The following MED4 variants were observed in gnomAD, a reference collection of about 807,000 sequenced individuals.
The protein encoded by MED4 is mediator of RNA polymerase II transcription subunit 4.
MED4 carries 21 observed loss-of-function variants against 35.0 expected under a neutral mutation model. The ratio of observed to expected loss-of-function variants is 0.60; its 90% confidence interval spans 0.43 to 0.86. The LOEUF (loss-of-function observed/expected upper bound fraction) is 0.86, where lower values mean the gene tolerates loss of function less well. MED4 is among the 40% of genes least tolerant of loss of function. The pLI is 0.00. For missense variants in MED4, 300 were observed against 319.4 expected, an observed-to-expected ratio of 0.94 and a Z score of 0.46; for synonymous variants, 138 against 114.0, an observed-to-expected ratio of 1.21 and a Z score of -1.34.
At chr13:48,080,112 T>C in intron 5 of MED4, 137 bp from the exon 6 acceptor site, 1 of 952,494 alleles carries the variant, frequency 1.0e-6, no homozygotes, top group Non-Finnish European at 1.5e-6. Context: ...ACAGAAGTCA[T>C]CTGGCCAGGT....
chr13:48,094,854 C>G (rs982316444), intron 1 of MED4, 100 bp downstream of exon 1: 6 of 1,523,976 alleles, frequency 3.9e-6, no homozygotes, highest in Non-Finnish European at 5.3e-6. Context: ...GCTGGCCCTC[C>G]CCGCCGAACC....
intron 1 of MED4, among the ~76,000 whole-genome samples, chr13:48,094,331 G>A (rs1406081298): frequency 6.6e-6 from 1 of 152,166 alleles, no homozygotes; most frequent in African/African-American, 2.4e-5. Context: ...GACTTATCAT[G>A]AAAGGTGACA....
intron 3 of MED4, among the ~76,000 whole-genome samples, chr13:48,085,170 A>ATTTTTT (rs56225303): frequency 1.4e-5 from 2 of 139,366 alleles, no homozygotes; most frequent in African/African-American, 6.0e-5. Flanking sequence ...TGCCCAGCTA[A>ATTTTTT]TTTTTTTTTT....
intron 4 of MED4, among the ~76,000 whole-genome samples, chr13:48,083,005 G>A (rs1198913724): frequency 6.6e-6 from 1 of 152,150 alleles, no homozygotes; most frequent in Non-Finnish European, 1.5e-5. Flanking sequence ...CAGCGCAGTT[G>A]CCCAATGGAT....
At chr13:48,083,509 T>G (rs1200092919) in intron 3 of MED4, 81 bp from the exon 4 acceptor site, 22 of 1,077,440 alleles carry the variant, frequency 2.0e-5, no homozygotes, top group Non-Finnish European at 1.2e-5. Flanking sequence ...CACAAGATCC[T>G]TTAGCCTACA....
At position 48,086,211 on chromosome 13, in the gene MED4, A is replaced by G. The variant is rs372960537; in HGVS notation, c.363+71T>C. On this transcript the variant is annotated intron_variant, in intron 3 of 6. Coordinates refer to ENST00000258648, the MANE Select transcript of MED4 (RefSeq NM_014166.4). ...TAGTTTTCTGCTCTTCAAAATATTG[A>G]TAACAGATTTTTCAGAAACAGATTA... 1.9e-4 allele frequency: 270 copies of G among 1,436,092 alleles called. 1 individual carries two copies. The South Asian group carries it at 2.7e-3, about 14-fold the overall frequency. 89.0% of individuals were successfully genotyped at this position (1,436,092 alleles called of 1,614,324 possible). A position where few individuals can be genotyped will look rare whatever the true frequency, so the allele number is the denominator to read the frequency against.
chr13:48,081,921 T>A (rs1247281522), intron 4 of MED4, among the ~76,000 whole-genome samples, 190 bp from the exon 5 acceptor site: 1 of 152,132 alleles, frequency 6.6e-6, no homozygotes, highest in African/African-American at 2.4e-5. Context: ...AGGACACTAA[T>A]CCAGAAAAAT....
In MED4 at chr13:48,081,676, A is replaced by C; in HGVS notation, c.477T>G (p.Asn159Lys). 6.2e-7 allele frequency: 1 copy of C among 1,612,494 alleles called. No homozygotes were observed. Among genetic ancestry groups the C allele is most frequent in the Non-Finnish European group, 8.5e-7 (1 of 1,179,336 alleles). ...IKYAHRISASNAVCAPLTWVP... is the reference protein window; with the variant it reads ...IKYAHRISASKAVCAPLTWVP... ...CCCAGGTCAGTGGAGCACATACAGC[A>C]TTACTTGCACTGATCCTATGTGCAT... is the stretch of plus-strand genomic sequence containing the variant. The change falls in exon 5 of 7, where the codon AAT (asparagine) becomes AAG (lysine). Residue 159 changes from asparagine (N) to lysine (K), a missense_variant. Physicochemically the swap from Asn to Lys is moderately conservative, Grantham distance 94 (BLOSUM62 0). Coordinates refer to ENST00000258648, the MANE Select transcript of MED4 (RefSeq NM_014166.4).
At chr13:48,092,561 G>A (rs867834686) in intron 1 of MED4, among the ~76,000 whole-genome samples, 2 of 152,216 alleles carry the variant, frequency 1.3e-5, no homozygotes, top group Non-Finnish European at 2.9e-5. Context: ...GGTGGTTTCT[G>A]TAGTGTTCCA....
At chr13:48,082,911 A>G (rs1282389523) in intron 4 of MED4, among the ~76,000 whole-genome samples, 1 of 152,092 alleles carries the variant, frequency 6.6e-6, no homozygotes, top group Non-Finnish European at 1.5e-5. Flanking sequence ...GGGCCTCTGC[A>G]CCACCAAATG....
At chr13:48,079,699 G>T in intron 6 of MED4, 145 bp downstream of exon 6, 1 of 908,782 alleles carries the variant, frequency 1.1e-6, no homozygotes, top group South Asian at 1.7e-5. Context: ...CTCCAGCCTG[G>T]GTGACATAAC....
At chr13:48,079,635 G>C in intron 6 of MED4, 1 of 466,978 alleles carries the variant, frequency 2.1e-6, no homozygotes, top group Non-Finnish European at 3.8e-6. Flanking sequence ...AGCTACTCGG[G>C]AGGCTGAGGC....
intron 1 of MED4, among the ~76,000 whole-genome samples, chr13:48,094,509 G>A (rs557531222): frequency 2.6e-5 from 4 of 152,132 alleles, no homozygotes; most frequent in Admixed American, 6.5e-5. Flanking sequence ...TTCTTCAGAG[G>A]GCCTGCCCTG....
In MED4 at chr13:48,086,472, TA is replaced by T; in HGVS notation, c.193-21del. 6.2e-7 allele frequency: 1 copy of T among 1,608,824 alleles called. No individual in the cohort carries two copies. The highest frequency in any genetic ancestry group is 8.5e-7 in the Non-Finnish European group (1 of 1,176,544). ...CAGGACCTGTCAGATAACAGTCAAT[TA>T]AATCAGACAATAGACTACTGAAAGG... On this transcript the variant is annotated intron_variant, in intron 2 of 6. Coordinates refer to ENST00000258648, the MANE Select transcript of MED4 (RefSeq NM_014166.4).
chr13:48,088,933 C>A (rs771678431), intron 2 of MED4, among the ~76,000 whole-genome samples: 6 of 152,184 alleles, frequency 3.9e-5, no homozygotes, highest in Non-Finnish European at 7.3e-5. Context: ...AGACACAATT[C>A]ACAAATTGCT....
chr13:48,090,290 A>C, intron 2 of MED4, 62 bp downstream of exon 2: 1 of 1,302,744 alleles, frequency 7.7e-7, no homozygotes, highest in Non-Finnish European at 1.1e-6. Flanking sequence ...GCAGAAATCA[A>C]GTTTTTTTCT....
chr13:48,081,468 A>G (rs1204220551), intron 5 of MED4, among the ~76,000 whole-genome samples, 177 bp downstream of exon 5: 4 of 152,234 alleles, frequency 2.6e-5, no homozygotes, highest in Non-Finnish European at 2.9e-5. Context: ...TTCACAGAAA[A>G]CCAAATTTAT....
At chr13:48,083,296 A>G in intron 4 of MED4, 75 bp downstream of exon 4, 2 of 1,134,412 alleles carry the variant, frequency 1.8e-6, no homozygotes, top group Admixed American at 2.1e-5. Context: ...GATTATCAGT[A>G]ATATCCTCTT....
chr13:48,090,274 A>C (rs1950881342), intron 2 of MED4, 78 bp downstream of exon 2: 3 of 1,115,256 alleles, frequency 2.7e-6, no homozygotes, highest in Non-Finnish European at 3.9e-6. Flanking sequence ...TATAAAGAGG[A>C]AACTTGCAGA....
Sources: allele counts gnomAD v4.1 joint callset (sites outside exome capture counted in the v4.1 genomes callset), GRCh38; gene constraint gnomAD v4.1.1; transcripts MANE v1.5; gene names NCBI Gene and HGNC (gene_info 2026-07-23, HGNC 2026-07-21).